Variants in INPP5F observed in about 807,000 individuals in gnomAD.
INPP5F encodes the protein inositol polyphosphate-5-phosphatase F, also known as phosphatidylinositide 4-phosphatase SAC2.
In INPP5F, 97 loss-of-function variants were observed where a neutral mutation model predicts 137.2. The ratio of observed to expected loss-of-function variants is 0.71; its 90% CI spans 0.60 to 0.84. INPP5F has a LOEUF of 0.84. Ranked by LOEUF, INPP5F falls within the 40% of genes least tolerant of loss-of-function variation. INPP5F has a pLI of 0.00. For synonymous variants in INPP5F, 504 were observed against 476.9 expected (o/e 1.06, Z -0.74); for missense variants, 1,271 against 1,371.9 (o/e 0.93, Z 1.16).
chr10:119,726,470 C>T (rs540519317), intron 1 of INPP5F, 111 bp downstream of exon 1: 6 of 457,334 alleles, frequency 1.3e-5, no homozygotes, highest in East Asian at 5.3e-5. Flanking sequence ...CCTGGTGAGG[C>T]GGGGCGGGGC....
chr10:119,795,834 G>A (rs759260213), intron 6 of INPP5F, among the ~76,000 whole-genome samples: 4 of 152,206 alleles, frequency 2.6e-5, no homozygotes, highest in South Asian at 2.1e-4. Context: ...CTGGCACCTC[G>A]GGAGGCCAAG....
At chr10:119,786,707 T>TG (rs1203929772) in intron 3 of INPP5F, among the ~76,000 whole-genome samples, 3 of 151,934 alleles carry the variant, frequency 2.0e-5, no homozygotes, top group African/African-American at 7.2e-5. Flanking sequence ...TTTGAAGAGA[T>TG]GGGGTCTCAC....
chr10:119,789,775 C>T (rs558457390), intron 3 of INPP5F, among the ~76,000 whole-genome samples: 3 of 151,830 alleles, frequency 2.0e-5, no homozygotes, highest in Non-Finnish European at 2.9e-5. Context: ...TGGATGAAAT[C>T]ACTGAGGGAG....
At chr10:119,729,972 C>T (rs1365332114) in intron 1 of INPP5F, among the ~76,000 whole-genome samples, 1 of 151,700 alleles carries the variant, frequency 6.6e-6, no homozygotes, top group Non-Finnish European at 1.5e-5. Flanking sequence ...AGTTAAAAAA[C>T]GAAGTATTGT....
At chr10:119,778,528 G>T (rs1001927986) in intron 2 of INPP5F, among the ~76,000 whole-genome samples, 5 of 152,070 alleles carry the variant, frequency 3.3e-5, no homozygotes. Context: ...TAGAAATTTG[G>T]ATTGGAAAGA....
At chr10:119,826,353 A>G (rs550149247) in intron 19 of INPP5F, among the ~76,000 whole-genome samples, 1 of 152,342 alleles carries the variant, frequency 6.6e-6, no homozygotes, top group African/African-American at 2.4e-5. Flanking sequence ...TTTTATGTTG[A>G]AATATTTTGT....
intron 1 of INPP5F, among the ~76,000 whole-genome samples, chr10:119,742,721 G>A (rs1331136439): frequency 2.0e-5 from 3 of 151,992 alleles, no homozygotes; most frequent in African/African-American, 7.3e-5. Flanking sequence ...GGCTTGGTGC[G>A]GTAGCTCACG....
intron 9 of INPP5F, among the ~76,000 whole-genome samples, chr10:119,799,988 A>C (rs921887409): frequency 1.3e-5 from 2 of 152,026 alleles, no homozygotes; most frequent in Non-Finnish European, 2.9e-5. Flanking sequence ...CTAATGAAAA[A>C]AATGATAAAT....
At chr10:119,808,614 G>A (rs1009766270) in intron 13 of INPP5F, among the ~76,000 whole-genome samples, 1 of 152,182 alleles carries the variant, frequency 6.6e-6, no homozygotes, top group African/African-American at 2.4e-5. Context: ...CGGAAGAAAT[G>A]TTTTAGTTAC....
chr10:119,795,710 G>A (rs1477572522), intron 6 of INPP5F, among the ~76,000 whole-genome samples: 1 of 152,164 alleles, frequency 6.6e-6, no homozygotes, highest in Non-Finnish European at 1.5e-5. Context: ...TCGGCACTTT[G>A]GGAGGCCAAG....
chr10:119,747,345 C>T (rs1490777565), intron 1 of INPP5F, among the ~76,000 whole-genome samples: 1 of 151,904 alleles, frequency 6.6e-6, no homozygotes, highest in Admixed American at 6.6e-5. Flanking sequence ...CCTCAGCCTC[C>T]CAAGAAGCTG....
intron 2 of INPP5F, among the ~76,000 whole-genome samples, chr10:119,759,271 T>C (rs993244669): frequency 2.0e-5 from 3 of 152,244 alleles, no homozygotes; most frequent in African/African-American, 4.8e-5. Context: ...TCTACCTGCC[T>C]TGGCCTTTCA....
At chr10:119,826,499 C>CT (rs1263994704) in intron 19 of INPP5F, 132 bp from the exon 20 acceptor site, 2 of 691,560 alleles carry the variant, frequency 2.9e-6, no homozygotes, top group East Asian at 2.5e-5. Context: ...TGAGGGTTAT[C>CT]TGTCAGTTAG....
At chr10:119,801,563 A>G (rs1048856363) in intron 9 of INPP5F, among the ~76,000 whole-genome samples, 1 of 152,112 alleles carries the variant, frequency 6.6e-6, no homozygotes, top group Non-Finnish European at 1.5e-5. Flanking sequence ...TAAAGAATAG[A>G]GCCTGTCTGT....
intron 2 of INPP5F, among the ~76,000 whole-genome samples, chr10:119,755,163 C>T (rs1848802718): frequency 6.6e-6 from 1 of 152,204 alleles, no homozygotes; most frequent in Non-Finnish European, 1.5e-5. Context: ...AGCAAGTGCT[C>T]GTGACTTAGG....
chr10:119,798,240 A>G (rs1404621865), intron 8 of INPP5F, among the ~76,000 whole-genome samples: 1 of 152,104 alleles, frequency 6.6e-6, no homozygotes, highest in Admixed American at 6.5e-5. Flanking sequence ...TTTTTAAAAT[A>G]TTGTTTTAGA....
intron 2 of INPP5F, among the ~76,000 whole-genome samples, chr10:119,764,087 A>G (rs778575515): frequency 5.9e-5 from 9 of 152,154 alleles, no homozygotes; most frequent in Non-Finnish European, 1.2e-4. Context: ...GGCTTTTTCT[A>G]CAGCTCATCT....
At chr10:119,812,003 G>A (rs755300894) in intron 15 of INPP5F, 48 bp downstream of exon 15, 4 of 1,449,206 alleles carry the variant, frequency 2.8e-6, no homozygotes, top group East Asian at 4.5e-5. Flanking sequence ...ACTGATGTTG[G>A]GAAGTTGTCA....
At chr10:119,806,810 T>TC (rs1850810852) in intron 12 of INPP5F, among the ~76,000 whole-genome samples, 1 of 150,942 alleles carries the variant, frequency 6.6e-6, no homozygotes, top group Admixed American at 6.6e-5. Flanking sequence ...ATACTGCATT[T>TC]CTTTTTTTTT....
Sources: gnomAD v4.1 joint callset for allele counts (sites outside exome capture counted in the v4.1 genomes callset) on GRCh38, gnomAD v4.1.1 for gene constraint, MANE v1.5 for transcripts, NCBI Gene and HGNC (gene_info 2026-07-23, HGNC 2026-07-21) for gene names.